Variants in OC90 observed in about 807,000 individuals in gnomAD.
OC90 encodes the protein otoconin-90.
Under a neutral mutation model 47.3 loss-of-function variants are expected in OC90, and 46 were observed. That is an observed-to-expected ratio of 0.97 (90% CI 0.77 to 1.24). The LOEUF is 1.24. OC90 is among the 50% of genes most tolerant of loss of function. The probability of loss-of-function intolerance (pLI) is 0.00; values close to 1 mark genes in which losing one functional copy is unlikely to be tolerated. For synonymous variants in OC90, 271 were observed against 219.5 expected (o/e 1.23, Z -2.07); for missense variants, 688 against 583.9 (o/e 1.18, Z -1.84).
At chr8:132,052,572 C>T (rs973697055) in intron 2 of OC90, among the ~76,000 whole-genome samples, 7 of 152,178 alleles carry the variant, frequency 4.6e-5, no homozygotes, top group African/African-American at 9.7e-5. Context: ...GACTCCCACA[C>T]GTTATTATTA....
At chr8:132,040,991 C>T in intron 6 of OC90, 53 bp downstream of exon 6, 2 of 1,076,472 alleles carry the variant, frequency 1.9e-6, no homozygotes, top group Non-Finnish European at 2.9e-6. Context: ...GGCTTGGGAT[C>T]CCTGGACTGT....
chr8:132,028,046 A>T (rs1017563554), intron 13 of OC90, among the ~76,000 whole-genome samples: 1 of 152,178 alleles, frequency 6.6e-6, no homozygotes, highest in Non-Finnish European at 1.5e-5. Flanking sequence ...TGTTTTGAGG[A>T]TTAATTCTGT....
Position 132,034,660 on chromosome 8 carries a change from C to G in OC90, c.733+121G>C, listed in dbSNP as rs1472325014. On this transcript the variant is annotated intron_variant, in intron 10 of 13. Transcript: ENST00000254627. ...ATGCTTCCGATTCTTGCCCCATCACCTCCCATGCTGACAAGGTCATGGTGC... is the reference window on the plus strand; with the variant it reads ...ATGCTTCCGATTCTTGCCCCATCACGTCCCATGCTGACAAGGTCATGGTGC... 5.9e-6 allele frequency: 4 copies of G among 678,454 alleles called. No individual in the cohort carries two copies. In the East Asian group the frequency reaches 1.1e-4, roughly 19 times the overall value. 42.0% of individuals were successfully genotyped at this position (678,454 alleles called of 1,614,324 possible). A position where few individuals can be genotyped will look rare whatever the true frequency, so the allele number is the denominator to read the frequency against.
intron 1 of OC90, among the ~76,000 whole-genome samples, chr8:132,059,012 CCCTCCATTCTTCTCTCCCTT>C (rs1290512286): frequency 1.3e-5 from 2 of 151,938 alleles, no homozygotes; most frequent in African/African-American, 4.8e-5. Flanking sequence ...TCCTCATTTC[CCCTCCATTCTTCTCTCCCTT>C]CCTCCCTCTT....
Position 132,037,499 on chromosome 8 carries a change from A to C in OC90, c.629-11T>G, listed in dbSNP as rs1270448147. The C allele has an allele frequency of 6.4e-7, 1 of 1,572,168 alleles. No homozygotes were observed. Among genetic ancestry groups the C allele is most frequent in the Non-Finnish European group, 8.6e-7 (1 of 1,157,546 alleles). ...GCTCCACAGGAACCACTGGAAAAAG[A>C]GAGTTCCCAATAGCAGTGACTCATG... On this transcript the variant is annotated splice_polypyrimidine_tract_variant and intron_variant, in intron 8 of 13. Transcript: ENST00000254627.
At chr8:132,028,526 A>AAAAGAAAG (rs372685836) in intron 13 of OC90, among the ~76,000 whole-genome samples, 1,292 of 87,406 alleles carry the variant, frequency 0.015, 27 homozygotes, top group African/African-American at 0.018. Context: ...AGAAAGAAAG[A>AAAAGAAAG]AAAGAAAGAA....
chr8:132,034,750 A>G (rs1822929888), intron 10 of OC90, 31 bp downstream of exon 10: 2 of 1,528,964 alleles, frequency 1.3e-6, no homozygotes, highest in South Asian at 2.3e-5. Flanking sequence ...ATGTGTCATG[A>G]ACATAGGCAG....
intron 9 of OC90, 46 bp downstream of exon 9, chr8:132,037,390 ACT>A (rs1024713409): frequency 1.4e-6 from 2 of 1,475,870 alleles, no homozygotes; most frequent in African/African-American, 2.8e-5. Flanking sequence ...GTCCCTCCCC[ACT>A]CTCATTGTGT....
chr8:132,025,119 G>A (rs1228268509), intron 13 of OC90, among the ~76,000 whole-genome samples: 1 of 152,194 alleles, frequency 6.6e-6, no homozygotes, highest in Non-Finnish European at 1.5e-5. Context: ...TGCAGGTTAT[G>A]TGTTAATCAC....
chr8:132,034,673 A>G, intron 10 of OC90, 108 bp downstream of exon 10: 1 of 736,642 alleles, frequency 1.4e-6, no homozygotes, highest in South Asian at 1.9e-5. Context: ...CCATGCTGAC[A>G]AGGTCATGGT....
rs369909684 is a variant in OC90 at position 132,029,072 on chromosome 8, C to G, written c.1138+1G>C. 2.2e-5 allele frequency: 35 copies of G among 1,607,806 alleles called. No homozygotes were observed. Among genetic ancestry groups the G allele is most frequent in the Non-Finnish European group, 2.9e-5 (34 of 1,174,386 alleles). On this transcript the variant is annotated splice_donor_variant, in intron 13 of 13. Transcript: ENST00000254627. LOFTEE classifies it high-confidence loss of function. ...CTCAATGTGCAACCAACAGCACTTA[C>G]ACTTGGGCGTATGATCCACACACAC...
rs759587109 is a variant in OC90 at position 132,024,608 on chromosome 8, G to T, written c.1307C>A (p.Pro436His). 6.2e-7 allele frequency: 1 copy of T among 1,613,434 alleles called. No individual in the cohort carries two copies. Among genetic ancestry groups the T allele is most frequent in the Non-Finnish European group, 8.5e-7 (1 of 1,179,738 alleles). ...CTCCTCAGAGCTGGAGCCCAGGGTG[G>T]GGGCTGCGGGCACAGGGTGCAGGCT... Reference protein sequence around the residue: ...EDSLHPVPAAPTLGSSSEEDS... With the variant: ...EDSLHPVPAAHTLGSSSEEDS... Residue 436 changes from proline (P) to histidine (H), a missense_variant, in exon 14 of 14, where the codon CCC (proline) becomes CAC (histidine). Transcript: ENST00000254627.
At chr8:132,027,295 G>T (rs2130849043) in intron 13 of OC90, among the ~76,000 whole-genome samples, 1 of 152,340 alleles carries the variant, frequency 6.6e-6, no homozygotes, top group African/African-American at 2.4e-5. Flanking sequence ...GTGAAGGTTT[G>T]TTGGTTAAGT....
At chr8:132,049,699 T>G (rs2130863052) in intron 2 of OC90, 1 of 417,550 alleles carries the variant, frequency 2.4e-6, no homozygotes, top group South Asian at 1.8e-5. Flanking sequence ...CCTTTCCATA[T>G]AATTTTTAGC....
chr8:132,041,139 C>T lies in OC90; in HGVS notation c.362G>A (p.Arg121His), dbSNP rs202030846. 8.8e-4 allele frequency: 1,421 copies of T among 1,611,576 alleles called. No homozygotes were observed. The highest frequency in any genetic ancestry group is 1.1e-3 in the Non-Finnish European group (1,278 of 1,177,744). The change falls in exon 6 of 14, where the codon CGC becomes CAC. Residue 121 changes from arginine (R) to histidine (H), a missense_variant. Transcript: ENST00000254627. Reference protein sequence around the residue: ...DESDSCCFQHRRCYEEAAEMD... With the variant: ...DESDSCCFQHHRCYEEAAEMD... ...CTCAGCGGCCTCCTCATAGCACCTGCGGTGCTGGAAGCAGCAGCTGTAGGA... is the reference window on the plus strand; with the variant it reads ...CTCAGCGGCCTCCTCATAGCACCTGTGGTGCTGGAAGCAGCAGCTGTAGGA...
At chr8:132,041,248 T>A (rs1823048933) in intron 5 of OC90, 92 bp from the exon 6 acceptor site, 4 of 807,510 alleles carry the variant, frequency 5.0e-6, no homozygotes, top group Non-Finnish European at 8.5e-6. Context: ...TCTGGATGGA[T>A]CCTGGCAGTG....
rs765782455 is a variant in OC90, at chr8:132,036,391, A to G, written c.679+1047T>C. 7.7e-6 allele frequency: 6 copies of G among 780,846 alleles called. No individual in the cohort carries two copies. The South Asian group carries it at 8.0e-5, about 10-fold the overall frequency. 48.4% of individuals were successfully genotyped at this position (780,846 alleles called of 1,614,324 possible). A position where few individuals can be genotyped will look rare whatever the true frequency, so the allele number is the denominator to read the frequency against. On this transcript the variant is annotated intron_variant, in intron 9 of 13. Coordinates refer to ENST00000254627, the MANE Select transcript of OC90 (RefSeq NM_001080399.3). Reference sequence around the variant, plus strand: ...CTTACTTTTCTTGGAGAGAGTGATCAGTCTGTCAGCCTCAGTCTCTGCAGC... The same window carrying G: ...CTTACTTTTCTTGGAGAGAGTGATCGGTCTGTCAGCCTCAGTCTCTGCAGC...
intron 9 of OC90, among the ~76,000 whole-genome samples, chr8:132,035,997 C>T (rs1295888319): frequency 6.6e-6 from 1 of 152,136 alleles, no homozygotes; most frequent in African/African-American, 2.4e-5. Flanking sequence ...TTGATTTATG[C>T]TTATTAATAA....
Position 132,041,656 on chromosome 8 carries a change from G to C in OC90, c.213C>G (p.Thr71=). 1.9e-6 allele frequency: 3 copies of C among 1,607,742 alleles called. No homozygotes were observed. The highest frequency in any genetic ancestry group is 2.5e-6 in the Non-Finnish European group (3 of 1,177,160). The stretch of plus-strand genomic sequence containing the variant: ...CAAACTGGATCAGCACAGGGAAATT[G>C]GTGAAGACAGCCTGCAGCCAGGTGA... The part of the protein sequence containing the change: ...PHFTWLQAVF[T]NFPVLIQFVN... The change falls in exon 5 of 14, where the codon ACC becomes ACG. Residue 71 remains threonine (T), a synonymous_variant. Transcript: ENST00000254627.
Sources: allele counts gnomAD v4.1 joint callset (sites outside exome capture counted in the v4.1 genomes callset), GRCh38; gene constraint gnomAD v4.1.1; transcripts MANE v1.5; gene names NCBI Gene and HGNC (gene_info 2026-07-23, HGNC 2026-07-21).